Variants in VWA5A observed in about 807,000 individuals in gnomAD.
VWA5A encodes the protein von Willebrand factor A domain-containing protein 5A.
VWA5A carries 77 observed loss-of-function variants against 84.6 expected under a neutral mutation model. That is an observed-to-expected ratio of 0.91 (90% CI 0.76 to 1.10). The LOEUF (loss-of-function observed/expected upper bound fraction) is 1.10, where lower values mean the gene tolerates loss of function less well. Among genes scored for constraint, VWA5A ranks in the 50% least tolerant of loss-of-function variants. The pLI is 0.00. For synonymous variants in VWA5A, 334 were observed against 350.1 expected (o/e 0.95, Z 0.51); for missense variants, 973 against 963.0 (o/e 1.01, Z -0.14).
At chr11:124,121,327 C>T (rs1454936054) in intron 7 of VWA5A, among the ~76,000 whole-genome samples, 1 of 151,866 alleles carries the variant, frequency 6.6e-6, no homozygotes, top group Non-Finnish European at 1.5e-5. Context: ...CTGAGTTGAG[C>T]CCTAAACTGA....
chr11:124,144,344 G>A (rs1486501148), intron 17 of VWA5A, among the ~76,000 whole-genome samples: 1 of 152,128 alleles, frequency 6.6e-6, no homozygotes. Flanking sequence ...AAGAAATGGA[G>A]GACAACAGGG....
chr11:124,124,899 A>G (rs1308771286), intron 11 of VWA5A: 1 of 152,128 alleles, frequency 6.6e-6, no homozygotes, highest in Non-Finnish European at 1.5e-5. Context: ...ATTCATATAC[A>G]TTTTGAGTAT....
At chr11:124,139,416 T>C (rs1218991144) in intron 15 of VWA5A, among the ~76,000 whole-genome samples, 2 of 152,210 alleles carry the variant, frequency 1.3e-5, no homozygotes, top group African/African-American at 2.4e-5. Context: ...ATTCTTCCAA[T>C]CCAAGAACAT....
chr11:124,125,257 TTG>T (rs1054095231), intron 11 of VWA5A, among the ~76,000 whole-genome samples: 1 of 152,036 alleles, frequency 6.6e-6, no homozygotes, highest in South Asian at 2.1e-4. Flanking sequence ...AATTTTAGTT[TTG>T]TGTGTGTGTC....
At chr11:124,116,506 T>C (rs1207823036) in intron 1 of VWA5A, 60 bp from the exon 2 acceptor site, 5 of 152,286 alleles carry the variant, frequency 3.3e-5, no homozygotes, top group Admixed American at 3.3e-4. Flanking sequence ...TACTCCTGTG[T>C]GAGTCTCCTG....
intron 11 of VWA5A, among the ~76,000 whole-genome samples, chr11:124,134,356 C>T (rs1352231840): frequency 6.6e-6 from 1 of 152,186 alleles, no homozygotes; most frequent in Non-Finnish European, 1.5e-5. Flanking sequence ...CTAGTACTAC[C>T]AATGTATTCT....
intron 11 of VWA5A, among the ~76,000 whole-genome samples, chr11:124,131,608 GT>G (rs1414435688): frequency 2.0e-5 from 3 of 151,686 alleles, no homozygotes; most frequent in Non-Finnish European, 2.9e-5. Context: ...TTTACTGGAT[GT>G]TTATTTCCAT....
chr11:124,127,586 C>T (rs969878209), intron 11 of VWA5A, among the ~76,000 whole-genome samples: 1 of 152,008 alleles, frequency 6.6e-6, no homozygotes, highest in Non-Finnish European at 1.5e-5. Flanking sequence ...TTGAGGTATC[C>T]CCACACTGTC....
In VWA5A at chr11:124,124,751, T is replaced by G. The variant is rs1864992546; in HGVS notation, c.1244+435T>G. 5 of 172,334 alleles carry G rather than the reference T, an allele frequency of 2.9e-5. No homozygotes were observed. The Admixed American group carries it at 3.3e-4, about 11-fold the overall frequency. The allele number at this position is 172,334 out of a possible 1,614,324, so 10.7% of individuals were successfully genotyped here. A position where few individuals can be genotyped will look rare whatever the true frequency, so the allele number is the denominator to read the frequency against. On this transcript the variant is annotated intron_variant, in intron 11 of 18. Transcript: ENST00000456829. The stretch of plus-strand genomic sequence containing the variant: ...CTTTTCCATCATGTCCTATTCCCTG[T>G]CACTACACACTAAAACTTTCCTGAC...
chr11:124,118,168 C>A, intron 4 of VWA5A, 21 bp from the exon 5 acceptor site: 1 of 1,609,082 alleles, frequency 6.2e-7, no homozygotes, highest in South Asian at 1.1e-5. Flanking sequence ...TCTTTCCCAT[C>A]CCTCGCCCTG....
rs1860835028 is a variant in VWA5A, at chr11:124,147,107, C to T, written c.*1162C>T. 6.1e-6 allele frequency: 1 copy of T among 163,100 alleles called. No homozygotes were observed. Among genetic ancestry groups the T allele is most frequent in the African/African-American group, 2.4e-5 (1 of 41,442 alleles). The allele number at this position is 163,100 out of a possible 1,614,324, so 10.1% of individuals were successfully genotyped here. A position where few individuals can be genotyped will look rare whatever the true frequency, so the allele number is the denominator to read the frequency against. ...CTCCTCCATAGATTCATTTATTGAA[C>T]TTACATTGGTTTTATTGTCCCTTGT... is the stretch of plus-strand genomic sequence containing the variant. On this transcript the variant is annotated 3_prime_UTR_variant, in exon 19 of 19. Coordinates refer to ENST00000456829, the MANE Select transcript of VWA5A (RefSeq NM_001130142.2).
chr11:124,139,225 T>TTGTGTGTGTGTGTG (rs113893702), intron 15 of VWA5A, among the ~76,000 whole-genome samples: 152 of 147,430 alleles, frequency 1.0e-3, no homozygotes, highest in Middle Eastern at 7.0e-3. Context: ...AGCATTTTGT[T>TTGTGTGTGTGTGTG]TGTGTGTGTG....
intron 11 of VWA5A, among the ~76,000 whole-genome samples, chr11:124,126,428 T>G (rs1865019352): frequency 1.3e-5 from 2 of 152,188 alleles, no homozygotes; most frequent in African/African-American, 2.4e-5. Context: ...TCCAACATTT[T>G]ATTAAGAAAC....
intron 11 of VWA5A, among the ~76,000 whole-genome samples, chr11:124,131,869 T>C (rs1245023482): frequency 6.6e-6 from 1 of 151,974 alleles, no homozygotes; most frequent in African/African-American, 2.4e-5. Flanking sequence ...TGAATCAAAA[T>C]GATCATATCC....
At chr11:124,117,957 A>G (rs1864862460) in intron 4 of VWA5A, 82 bp downstream of exon 4, 1 of 1,502,898 alleles carries the variant, frequency 6.7e-7, no homozygotes, top group Non-Finnish European at 9.1e-7. Context: ...TATGATCTCT[A>G]CTAAATGTAC....
rs750296017 is a variant in VWA5A at position 124,135,033 on chromosome 11, A to C, written c.1358A>C (p.Lys453Thr). 1 of 1,612,400 alleles carries C rather than the reference A, an allele frequency of 6.2e-7. No homozygotes were observed. The highest frequency in any genetic ancestry group is 1.7e-5 in the Admixed American group (1 of 59,874). Residue 453 changes from lysine to threonine, a missense_variant and splice_region_variant, in exon 12 of 19, where the codon AAG becomes ACG. Lys to Thr is a moderately conservative substitution (Grantham distance 78, BLOSUM62 -1). Transcript: ENST00000456829. ...ACAGGCAAAGACAGGATGCAGTCCA[A>C]GGTGAGGGACAGACTGACTGTGTCT... ...FITGKDRMQS[K>T]ALRTLKRSLQ...
chr11:124,124,396 G>A (rs1864985580), intron 11 of VWA5A, 80 bp downstream of exon 11: 1 of 1,530,090 alleles, frequency 6.5e-7, no homozygotes, highest in East Asian at 2.4e-5. Flanking sequence ...TGCCGGTGTT[G>A]ACCTTCCTTC....
intron 11 of VWA5A, among the ~76,000 whole-genome samples, chr11:124,127,113 G>A (rs1865029429): frequency 1.3e-5 from 2 of 152,140 alleles, no homozygotes; most frequent in Admixed American, 1.3e-4. Context: ...GTGGTTTGCT[G>A]CACCCATCAA....
At chr11:124,140,227 G>A (rs1396440992) in intron 15 of VWA5A, among the ~76,000 whole-genome samples, 1 of 152,110 alleles carries the variant, frequency 6.6e-6, no homozygotes, top group Non-Finnish European at 1.5e-5. Context: ...GTTAATCAAG[G>A]ATATTGGCCT....
Sources: allele counts gnomAD v4.1 joint callset (sites outside exome capture counted in the v4.1 genomes callset), GRCh38; gene constraint gnomAD v4.1.1; transcripts MANE v1.5; gene names NCBI Gene and HGNC (gene_info 2026-07-23, HGNC 2026-07-21).